The following PIAS1 variants were observed in gnomAD, a reference collection of about 807,000 sequenced individuals.
PIAS1 encodes the protein E3 SUMO-protein ligase PIAS1.
A neutral mutation model predicts 71.3 loss-of-function variants in PIAS1; 6 were observed. That is an observed-to-expected ratio of 0.08 (90% CI 0.05 to 0.17). PIAS1 has a LOEUF of 0.17. PIAS1 is among the 10% of genes least tolerant of loss of function. PIAS1 has a pLI of 1.00. For synonymous variants in PIAS1, 303 were observed against 292.9 expected (o/e 1.03, Z -0.35); for missense variants, 555 against 793.6 (o/e 0.70, Z 3.61).
chr15:68,145,575 T>A (rs2092802503), intron 4 of PIAS1, among the ~76,000 whole-genome samples: 1 of 152,172 alleles, frequency 6.6e-6, no homozygotes. Context: ...ACCAAATAAT[T>A]GGCAGTATCA....
At chr15:68,135,767 T>C (rs1484045495) in intron 2 of PIAS1, among the ~76,000 whole-genome samples, 1 of 28,844 alleles carries the variant, frequency 3.5e-5, no homozygotes, top group African/African-American at 7.4e-5. Flanking sequence ...TCCTCACTTC[T>C]CAGACGGGGC....
At chr15:68,130,261 G>A (rs967239838) in intron 2 of PIAS1, among the ~76,000 whole-genome samples, 6 of 151,784 alleles carry the variant, frequency 4.0e-5, no homozygotes, top group Admixed American at 6.6e-5. Context: ...AAATATATAA[G>A]CTTCTTGCAG....
At chr15:68,093,776 G>A (rs560371434) in intron 2 of PIAS1, among the ~76,000 whole-genome samples, 120 of 152,264 alleles carry the variant, frequency 7.9e-4, no homozygotes, top group African/African-American at 2.6e-3. Flanking sequence ...CACAGTGACA[G>A]TAAATAATGA....
intron 2 of PIAS1, among the ~76,000 whole-genome samples, chr15:68,130,823 A>G (rs369273016): frequency 1.3e-5 from 2 of 152,172 alleles, no homozygotes; most frequent in East Asian, 1.9e-4. Flanking sequence ...AGAGATATAT[A>G]TCCTCTATCC....
intron 1 of PIAS1, among the ~76,000 whole-genome samples, chr15:68,064,113 T>A (rs1396258638): frequency 6.6e-6 from 1 of 152,198 alleles, no homozygotes; most frequent in Non-Finnish European, 1.5e-5. Context: ...GTGAGCTTTT[T>A]AAATGGAATA....
chr15:68,139,627 A>G (rs537084751), intron 2 of PIAS1, among the ~76,000 whole-genome samples: 15 of 152,286 alleles, frequency 9.8e-5, no homozygotes, highest in Non-Finnish European at 1.6e-4. Context: ...AATATGTATA[A>G]TTATTATTTG....
chr15:68,124,384 G>A (rs1301169062), intron 2 of PIAS1, among the ~76,000 whole-genome samples: 1 of 147,220 alleles, frequency 6.8e-6, no homozygotes, highest in Non-Finnish European at 1.5e-5. Context: ...TTGGGTTGTG[G>A]TTTTTTTTGT....
chr15:68,056,494 C>G (rs2091897772), intron 1 of PIAS1, among the ~76,000 whole-genome samples: 1 of 152,064 alleles, frequency 6.6e-6, no homozygotes, highest in Non-Finnish European at 1.5e-5. Flanking sequence ...TCTCCCAAAT[C>G]TACTAGAGTT....
At chr15:68,159,166 C>T (rs1480594438) in intron 7 of PIAS1, among the ~76,000 whole-genome samples, 2 of 152,256 alleles carry the variant, frequency 1.3e-5, no homozygotes, top group African/African-American at 4.8e-5. Flanking sequence ...AAAACTTTAA[C>T]TCCCAGAGAA....
chr15:68,069,509 AATTAC>A (rs2092068614), intron 1 of PIAS1, among the ~76,000 whole-genome samples: 2 of 152,292 alleles, frequency 1.3e-5, no homozygotes, highest in South Asian at 4.1e-4. Flanking sequence ...GCTTTTGTGA[AATTAC>A]ATTCTAGGCT....
At chr15:68,180,071 A>G (rs1288235112) in intron 11 of PIAS1, among the ~76,000 whole-genome samples, 1 of 151,780 alleles carries the variant, frequency 6.6e-6, no homozygotes, top group Non-Finnish European at 1.5e-5. Flanking sequence ...GGCTACTATA[A>G]TTGTTTTTCT....
In PIAS1 at chr15:68,187,762, C is replaced by G; in HGVS notation, c.1883C>G (p.Thr628Ser). ...AGCCTAAGGGAAAGCCATAGCCACACCGTCACAAACAGGAGCAGCACGGAC... is the reference window on the plus strand; with the variant it reads ...AGCCTAAGGGAAAGCCATAGCCACAGCGTCACAAACAGGAGCAGCACGGAC... ...SNSLRESHSH[T>S]VTNRSSTDTA... The change falls in exon 14 of 14, where the codon ACC (threonine) becomes AGC (serine). Residue 628 changes from threonine to serine, a missense_variant. Transcript: ENST00000249636. The surrounding 1 kb of genome is among the most constrained non-coding windows in gnomAD (Gnocchi z 5.3). 1 of 1,613,992 alleles carries G rather than the reference C, an allele frequency of 6.2e-7. No individual in the cohort carries two copies. The highest frequency in any genetic ancestry group is 2.2e-5 in the East Asian group (1 of 44,882).
chr15:68,111,253 C>G (rs1007094051), intron 2 of PIAS1, among the ~76,000 whole-genome samples: 1 of 152,170 alleles, frequency 6.6e-6, no homozygotes, highest in Non-Finnish European at 1.5e-5. Flanking sequence ...CTCAATCCTA[C>G]TTCTGTGGTC....
intron 8 of PIAS1, among the ~76,000 whole-genome samples, chr15:68,169,937 A>G (rs2092981124): frequency 6.6e-6 from 1 of 152,098 alleles, no homozygotes; most frequent in African/African-American, 2.4e-5. Context: ...TTCACACAGT[A>G]GGTAGGTAGT....
At chr15:68,123,235 G>A (rs535368912) in intron 2 of PIAS1, among the ~76,000 whole-genome samples, 3 of 151,980 alleles carry the variant, frequency 2.0e-5, no homozygotes, top group East Asian at 1.9e-4. Context: ...AAAACTTTTT[G>A]TAGAGAGTGT....
In PIAS1 at chr15:68,054,731, G is replaced by T. The variant is rs116934048; in HGVS notation, c.24+381G>T. 4,948 of 175,204 alleles carry T rather than the reference G, an allele frequency of 0.028. 80 individuals carry two copies. Among genetic ancestry groups the T allele is most frequent in the Non-Finnish European group, 0.042 (3,492 of 83,230 alleles). 10.9% of individuals were successfully genotyped at this position (175,204 alleles called of 1,614,324 possible). On this transcript the variant is annotated intron_variant, in intron 1 of 13. Transcript: ENST00000249636. This position sits in a 1 kb window ranked among gnomAD's most constrained non-coding sequence, Gnocchi z 4.6. ...GGCTGGGGGCAGGGTGCTCTCGTAG[G>T]GGGGATTGGGAAAGCTCCCCGTGGC...
chr15:68,082,167 A>G (rs757402244), intron 1 of PIAS1, among the ~76,000 whole-genome samples: 4 of 152,174 alleles, frequency 2.6e-5, no homozygotes, highest in Non-Finnish European at 4.4e-5. Context: ...TAAAAATACA[A>G]TGCAAGGAAT....
At chr15:68,118,950 T>C (rs2092589151) in intron 2 of PIAS1, among the ~76,000 whole-genome samples, 1 of 151,902 alleles carries the variant, frequency 6.6e-6, no homozygotes, top group African/African-American at 2.4e-5. Flanking sequence ...TGGCATTAAA[T>C]TAAACTAAAA....
chr15:68,062,176 T>C (rs12912372), intron 1 of PIAS1, among the ~76,000 whole-genome samples: 8,728 of 152,300 alleles, frequency 0.057, 336 homozygotes, highest in South Asian at 0.089. Flanking sequence ...AGGGCTGTTT[T>C]AGATTTACCT....
Sources: allele counts gnomAD v4.1 joint callset (sites outside exome capture counted in the v4.1 genomes callset), GRCh38; gene constraint gnomAD v4.1.1; non-coding constraint Gnocchi (gnomAD v3.1); transcripts MANE v1.5; gene names NCBI Gene and HGNC (gene_info 2026-07-23, HGNC 2026-07-21).